Variants in MME observed in about 807,000 individuals in gnomAD.
The protein encoded by MME is neprilysin.
Under a neutral mutation model 113.2 loss-of-function variants are expected in MME, and 98 were observed. The ratio of observed to expected loss-of-function variants is 0.87; its 90% CI spans 0.74 to 1.02. The LOEUF (loss-of-function observed/expected upper bound fraction) is 1.02. Ranked by LOEUF, MME falls within the 50% of genes least tolerant of loss-of-function variation. The pLI, the probability that MME is intolerant of heterozygous loss-of-function variation, is 0.00. For synonymous variants in MME, 292 were observed against 300.6 expected (o/e 0.97, Z 0.30); for missense variants, 836 against 896.0 (o/e 0.93, Z 0.86).
chr3:155,124,608 C>G (rs1174839462), intron 8 of MME, among the ~76,000 whole-genome samples: 1 of 152,002 alleles, frequency 6.6e-6, no homozygotes, highest in Non-Finnish European at 1.5e-5. Flanking sequence ...GTGTGGATGT[C>G]CTTTCTGTTT....
chr3:155,179,154 G>T (rs1352999586), intron 22 of MME, among the ~76,000 whole-genome samples: 2 of 152,148 alleles, frequency 1.3e-5, no homozygotes, highest in African/African-American at 4.8e-5. Flanking sequence ...AACTTTCCAG[G>T]GAGTAGGGTC....
intron 1 of MME, among the ~76,000 whole-genome samples, chr3:155,048,719 G>T (rs1348959215): frequency 6.6e-6 from 1 of 151,956 alleles, no homozygotes; most frequent in African/African-American, 2.4e-5. Context: ...TTAGTACATG[G>T]TAGGCCTCTT....
intron 8 of MME, among the ~76,000 whole-genome samples, chr3:155,136,195 G>T (rs1720622089): frequency 6.6e-6 from 1 of 152,130 alleles, no homozygotes; most frequent in African/African-American, 2.4e-5. Flanking sequence ...TAGGAGTGGG[G>T]AGAATGGACG....
chr3:155,143,709 C>A, intron 13 of MME, 138 bp downstream of exon 13: 1 of 1,004,840 alleles, frequency 1.0e-6, no homozygotes, highest in Non-Finnish European at 1.5e-6. Context: ...CATAATATGC[C>A]ATTGTTTCCC....
At chr3:155,157,365 A>G (rs1269048782) in intron 16 of MME, among the ~76,000 whole-genome samples, 1 of 152,054 alleles carries the variant, frequency 6.6e-6, no homozygotes. Context: ...GGAGGCTGTT[A>G]GTGTTTGGCC....
intron 3 of MME, among the ~76,000 whole-genome samples, chr3:155,101,565 T>C (rs1054572483): frequency 1.3e-5 from 2 of 152,174 alleles, no homozygotes; most frequent in African/African-American, 4.8e-5. Flanking sequence ...TCCTGGCTCA[T>C]TCCCCACTTC....
chr3:155,151,274 G>A (rs999485406), intron 16 of MME, among the ~76,000 whole-genome samples: 3 of 152,166 alleles, frequency 2.0e-5, no homozygotes, highest in Non-Finnish European at 4.4e-5. Flanking sequence ...AGAGAAATAT[G>A]TGTGCATACC....
chr3:155,107,425 T>C (rs1315121193), intron 3 of MME, among the ~76,000 whole-genome samples: 1 of 152,056 alleles, frequency 6.6e-6, no homozygotes, highest in African/African-American at 2.4e-5. Context: ...ATGTGGTATG[T>C]ATGTTGTAAA....
At chr3:155,149,490 G>C (rs1037633472) in intron 16 of MME, among the ~76,000 whole-genome samples, 1 of 152,084 alleles carries the variant, frequency 6.6e-6, no homozygotes, top group Non-Finnish European at 1.5e-5. Flanking sequence ...CCAAAGAGGT[G>C]CTTGTTTCAT....
chr3:155,106,573 A>G (rs1239203497), intron 3 of MME, among the ~76,000 whole-genome samples: 1 of 152,172 alleles, frequency 6.6e-6, no homozygotes, highest in Non-Finnish European at 1.5e-5. Flanking sequence ...TGCCTTTTGA[A>G]TTGAATCCTT....
At chr3:155,168,458 G>A in intron 18 of MME, 34 bp from the exon 19 acceptor site, 1 of 1,568,944 alleles carries the variant, frequency 6.4e-7, no homozygotes, top group Non-Finnish European at 8.7e-7. Context: ...TTGTTGCAAT[G>A]AGTTCCCATT....
chr3:155,147,125 A>G lies in MME; in HGVS notation c.1417-19A>G. On this transcript the variant is annotated intron_variant, in intron 14 of 22. Transcript: ENST00000360490. ...AAGTTATATAATCATCTTCACATTC[A>G]ATATTATAATTTTCATAGGCCTTAG... is the stretch of plus-strand genomic sequence containing the variant. The G allele has an allele frequency of 6.8e-7, 1 of 1,475,134 alleles. No individual in the cohort carries two copies. Among genetic ancestry groups the G allele is most frequent in the Non-Finnish European group, 9.5e-7 (1 of 1,053,582 alleles). 91.4% of individuals were successfully genotyped at this position (1,475,134 alleles called of 1,614,324 possible).
rs549378239 is a variant in MME, at chr3:155,113,341, G to A, written c.197-1653G>A. Among the ~76,000 whole-genome samples the A allele has an allele frequency of 2.8e-4, 43 of 152,176 alleles. 1 individual carries two copies. In the South Asian group the frequency reaches 7.7e-3, roughly 27 times the overall value. ...GTCACCCAGGCTGGAGTGCAGTGGCGCTGTCTTGGTTCACTGCAACCTCCA... is the reference window on the plus strand; with the variant it reads ...GTCACCCAGGCTGGAGTGCAGTGGCACTGTCTTGGTTCACTGCAACCTCCA... On this transcript the variant is annotated intron_variant, in intron 3 of 22. Transcript: ENST00000360490.
At chr3:155,091,408 A>G (rs947991404) in intron 3 of MME, among the ~76,000 whole-genome samples, 1 of 152,214 alleles carries the variant, frequency 6.6e-6, no homozygotes, top group Non-Finnish European at 1.5e-5. Flanking sequence ...CAAGAAATTG[A>G]AAACATATAT....
At chr3:155,076,340 C>G (rs1418467834), upstream of MME, among the ~76,000 whole-genome samples, 2 of 152,156 alleles carry the variant, frequency 1.3e-5, no homozygotes, top group Non-Finnish European at 2.9e-5. Context: ...TGTTAGCCCA[C>G]ATTTTCACTT....
chr3:155,161,926 T>C (rs1319695718), intron 17 of MME, among the ~76,000 whole-genome samples: 1 of 152,192 alleles, frequency 6.6e-6, no homozygotes, highest in Non-Finnish European at 1.5e-5. Context: ...AATCTTGTTT[T>C]AAAATGCCTT....
Position 155,143,575 on chromosome 3 carries a change from A to G in MME, c.1317+4A>G. ...TGCTGGAGAGAGTAAACATGTGGTA[A>G]TGTTTTCAGAATAATACACTGTCAG... On this transcript the variant is annotated splice_donor_region_variant and intron_variant, in intron 13 of 22. Transcript: ENST00000360490. 6.2e-7 allele frequency: 1 copy of G among 1,611,372 alleles called. No individual in the cohort carries two copies. The highest frequency in any genetic ancestry group is 1.1e-5 in the South Asian group (1 of 91,016).
At chr3:155,169,751 G>C (rs1711700903) in intron 20 of MME, among the ~76,000 whole-genome samples, 1 of 152,152 alleles carries the variant, frequency 6.6e-6, no homozygotes, top group Non-Finnish European at 1.5e-5. Context: ...ATGATCAGTG[G>C]AGTGAATGAG....
chr3:155,026,747 C>T (rs1370944931), intron 1 of MME, among the ~76,000 whole-genome samples: 1 of 152,000 alleles, frequency 6.6e-6, no homozygotes, highest in Non-Finnish European at 1.5e-5. Context: ...CCCAGAAAAG[C>T]AAGCAAGAAA....
Sources: allele counts gnomAD v4.1 joint callset (sites outside exome capture counted in the v4.1 genomes callset), GRCh38; gene constraint gnomAD v4.1.1; transcripts MANE v1.5; gene names NCBI Gene and HGNC (gene_info 2026-07-23, HGNC 2026-07-21).